Variants in DPP10 observed in about 807,000 individuals in gnomAD.
The protein encoded by DPP10 is inactive dipeptidyl peptidase 10.
Under a neutral mutation model 120.9 loss-of-function variants are expected in DPP10, and 33 were observed. The ratio of observed to expected loss-of-function variants is 0.27; its 90% CI spans 0.21 to 0.37. The LOEUF is 0.37. Ranked by LOEUF, DPP10 falls within the 10% of genes least tolerant of loss-of-function variation. The probability of loss-of-function intolerance (pLI) is 1.00; values close to 1 mark genes in which losing one functional copy is unlikely to be tolerated. For synonymous variants in DPP10, 337 were observed against 326.1 expected (o/e 1.03, Z -0.36); for missense variants, 816 against 942.8 (o/e 0.87, Z 1.76).
intron 5 of DPP10, among the ~76,000 whole-genome samples, chr2:115,594,365 A>G (rs1324718201): frequency 6.6e-6 from 1 of 152,230 alleles, no homozygotes; most frequent in African/African-American, 2.4e-5. Context: ...TGTTTACAAG[A>G]GTATATTTAC....
At chr2:114,620,366 G>A (rs1167541052) in intron 1 of DPP10, among the ~76,000 whole-genome samples, 1 of 151,926 alleles carries the variant, frequency 6.6e-6, no homozygotes, top group Non-Finnish European at 1.5e-5. Flanking sequence ...AAGAATTGAG[G>A]TGGCTGTTAG....
At position 115,781,573 on chromosome 2, in the gene DPP10, A is replaced by G. The variant is rs114333648; in HGVS notation, c.1483+578A>G. ...TAATATGGTACTGTATTTTCCAGAGATTAAATAGAACTCATGTGTCCTCTT... is the reference window on the plus strand; with the variant it reads ...TAATATGGTACTGTATTTTCCAGAGGTTAAATAGAACTCATGTGTCCTCTT... On this transcript the variant is annotated intron_variant, in intron 16 of 25. Transcript: ENST00000410059. Among the ~76,000 whole-genome samples the G allele has an allele frequency of 6.0e-3, 911 of 152,034 alleles. 21 individuals carry two copies. Among genetic ancestry groups the G allele is most frequent in the African/African-American group, 0.021 (871 of 41,546 alleles).
intron 1 of DPP10, among the ~76,000 whole-genome samples, chr2:114,613,466 C>T (rs1333350938): frequency 6.6e-6 from 1 of 152,120 alleles, no homozygotes; most frequent in Non-Finnish European, 1.5e-5. Flanking sequence ...CAAGAAACAA[C>T]AGATGCTGGT....
intron 1 of DPP10, among the ~76,000 whole-genome samples, chr2:114,603,492 C>T (rs1692541017): frequency 6.6e-6 from 1 of 152,022 alleles, no homozygotes; most frequent in South Asian, 2.1e-4. Flanking sequence ...GTATGTAAAA[C>T]TCCAAACATA....
At chr2:115,265,110 C>G (rs187233455) in intron 1 of DPP10, among the ~76,000 whole-genome samples, 1 of 152,014 alleles carries the variant, frequency 6.6e-6, no homozygotes, top group Non-Finnish European at 1.5e-5. Context: ...AGCCATTGTG[C>G]CACATAACCT....
intron 7 of DPP10, among the ~76,000 whole-genome samples, chr2:115,691,480 TTAAC>T (rs1322513692): frequency 6.6e-6 from 1 of 152,178 alleles, no homozygotes; most frequent in Non-Finnish European, 1.5e-5. Context: ...ACTTCATTCT[TTAAC>T]TATTCATCTG....
intron 1 of DPP10, among the ~76,000 whole-genome samples, chr2:114,644,017 C>T (rs1299000742): frequency 6.7e-6 from 1 of 149,026 alleles, no homozygotes. Context: ...TCACTGCAAC[C>T]TCCACCTCCC....
chr2:114,933,883 C>A (rs1449893534), intron 1 of DPP10, among the ~76,000 whole-genome samples: 1 of 152,106 alleles, frequency 6.6e-6, no homozygotes, highest in Non-Finnish European at 1.5e-5. Context: ...TTAGTCACCA[C>A]ACATTGAGAC....
intron 3 of DPP10, among the ~76,000 whole-genome samples, chr2:115,435,816 A>T (rs1399195682): frequency 6.6e-6 from 1 of 151,894 alleles, no homozygotes; most frequent in Non-Finnish European, 1.5e-5. Context: ...TAGTAGTTTC[A>T]TATGTTCATG....
chr2:115,835,433 G>C (rs976388847), intron 21 of DPP10, among the ~76,000 whole-genome samples: 1 of 152,076 alleles, frequency 6.6e-6, no homozygotes, highest in Non-Finnish European at 1.5e-5. Context: ...TTCTCTTCCT[G>C]GTGCGGAAAG....
intron 1 of DPP10, among the ~76,000 whole-genome samples, chr2:114,823,273 G>T (rs752747237): frequency 2.3e-4 from 35 of 152,002 alleles, no homozygotes; most frequent in Non-Finnish European, 4.0e-4. Flanking sequence ...CAAACAAAAC[G>T]GGAAGCCCTT....
At chr2:114,455,944 T>C (rs1336263466) in intron 1 of DPP10, among the ~76,000 whole-genome samples, 6 of 152,198 alleles carry the variant, frequency 3.9e-5, no homozygotes. Flanking sequence ...TGACTCCTTA[T>C]GTCATGGAGG....
At chr2:115,500,389 C>T (rs1165237324) in intron 4 of DPP10, among the ~76,000 whole-genome samples, 2 of 151,840 alleles carry the variant, frequency 1.3e-5, no homozygotes, top group African/African-American at 4.8e-5. Flanking sequence ...TACAAGCTCT[C>T]AGAAAACCTC....
chr2:114,864,821 T>C lies in DPP10; in HGVS notation c.60+421983T>C, dbSNP rs903645721. 5.9e-5 allele frequency among the ~76,000 whole-genome samples: 9 copies of C among 152,340 alleles called. No homozygotes were observed. In the East Asian group the frequency reaches 1.5e-3, roughly 26 times the overall value. On this transcript the variant is annotated intron_variant, in intron 1 of 25. Transcript: ENST00000410059. ...AACTATGGAAATTTGGCTTCAGTACTACCTAGACAAATGGTGCTTTTCCAT... is the reference window on the plus strand; with the variant it reads ...AACTATGGAAATTTGGCTTCAGTACCACCTAGACAAATGGTGCTTTTCCAT...
At chr2:115,226,069 AC>A (rs2057419855) in intron 1 of DPP10, among the ~76,000 whole-genome samples, 1 of 147,946 alleles carries the variant, frequency 6.8e-6, no homozygotes, top group African/African-American at 2.7e-5. Context: ...ATTCAATTTT[AC>A]TTATACTTTA....
intron 7 of DPP10, among the ~76,000 whole-genome samples, chr2:115,696,437 G>A (rs1203776332): frequency 6.6e-6 from 1 of 152,068 alleles, no homozygotes; most frequent in Non-Finnish European, 1.5e-5. Flanking sequence ...CAAGACAGTG[G>A]GCTGATGTGT....
intron 1 of DPP10, among the ~76,000 whole-genome samples, chr2:115,222,496 CCTCTT>C (rs1442905541): frequency 6.6e-6 from 1 of 152,026 alleles, no homozygotes; most frequent in Non-Finnish European, 1.5e-5. Context: ...CTGCACAAGC[CCTCTT>C]CTCTTGTCTG....
intron 1 of DPP10, among the ~76,000 whole-genome samples, chr2:114,972,815 T>C (rs577960354): frequency 2.6e-5 from 4 of 152,230 alleles, no homozygotes; most frequent in Non-Finnish European, 5.9e-5. Context: ...AAATATAATG[T>C]GCTGGTTATA....
intron 5 of DPP10, among the ~76,000 whole-genome samples, chr2:115,527,612 G>A (rs1444976244): frequency 6.6e-6 from 1 of 151,906 alleles, no homozygotes; most frequent in Non-Finnish European, 1.5e-5. Context: ...TGTGACAAAG[G>A]ATCAACATTC....
Sources: gnomAD v4.1 joint callset for allele counts (sites outside exome capture counted in the v4.1 genomes callset) on GRCh38, gnomAD v4.1.1 for gene constraint, MANE v1.5 for transcripts, NCBI Gene and HGNC (gene_info 2026-07-23, HGNC 2026-07-21) for gene names.